Variants in THSD7A observed in about 807,000 individuals in gnomAD.
THSD7A encodes thrombospondin type-1 domain-containing protein 7A.
In THSD7A, 96 loss-of-function variants were observed where a neutral mutation model predicts 231.3. That is an observed-to-expected ratio of 0.41 (90% CI 0.35 to 0.49). The LOEUF is 0.49. THSD7A is among the 20% of genes least tolerant of loss of function. The pLI is 0.05. For synonymous variants in THSD7A, 940 were observed against 743.3 expected, an observed-to-expected ratio of 1.26 and a Z score of -4.30; for missense variants, 2,290 against 2,070.2, an observed-to-expected ratio of 1.11 and a Z score of -2.06.
chr7:11,715,246 T>G lies in THSD7A; in HGVS notation c.191-78285A>C, dbSNP rs1781097914. ...ACACATTATTACATTACAATGAAGTTTCATTTGCGAGGGAATGAAGATTCA... is the reference window on the plus strand; with the variant it reads ...ACACATTATTACATTACAATGAAGTGTCATTTGCGAGGGAATGAAGATTCA... On this transcript the variant is annotated intron_variant, in intron 1 of 27. Transcript: ENST00000423059. 2.0e-5 allele frequency among the ~76,000 whole-genome samples: 3 copies of G among 151,434 alleles called. No individual in the cohort carries two copies. In the South Asian group the frequency reaches 6.2e-4, roughly 31 times the overall value.
rs372791000 is a variant in THSD7A at position 11,474,515 on chromosome 7, C to T, written c.2071G>A (p.Glu691Lys). Reference sequence around the variant, plus strand: ...CAGTGGTACACTGTGCAAGGATGCTCATTACAGCTTCGTACTTCTTGCAAA... The same window carrying T: ...CAGTGGTACACTGTGCAAGGATGCTTATTACAGCTTCGTACTTCTTGCAAA... ...SALQEVRSCN[E>K]HPCTVYHWQT... Residue 691 changes from glutamate (E) to lysine (K), a missense_variant, in exon 8 of 28, where the codon GAG becomes AAG. Coordinates refer to ENST00000423059, the MANE Select transcript of THSD7A (RefSeq NM_015204.3). This position sits in a 1 kb window ranked among gnomAD's most constrained non-coding sequence, Gnocchi z 4.1. 2.7e-5 allele frequency: 43 copies of T among 1,611,980 alleles called. No individual in the cohort carries two copies. Among genetic ancestry groups the T allele is most frequent in the Non-Finnish European group, 3.6e-5 (42 of 1,178,460 alleles).
At chr7:11,766,166 A>G (rs1268581562) in intron 1 of THSD7A, among the ~76,000 whole-genome samples, 1 of 152,190 alleles carries the variant, frequency 6.6e-6, no homozygotes, top group Non-Finnish European at 1.5e-5. Context: ...AACCTTTTCA[A>G]GATGAATGGT....
At chr7:11,577,824 T>C (rs1446971142) in intron 4 of THSD7A, among the ~76,000 whole-genome samples, 1 of 151,840 alleles carries the variant, frequency 6.6e-6, no homozygotes, top group Non-Finnish European at 1.5e-5. Flanking sequence ...AATCCGAGGG[T>C]TACTACAAGC....
intron 13 of THSD7A, among the ~76,000 whole-genome samples, chr7:11,432,606 G>C (rs1216684283): frequency 6.6e-6 from 1 of 152,048 alleles, no homozygotes; most frequent in Admixed American, 6.6e-5. Flanking sequence ...TCTACATTGT[G>C]ATATGCGTTT....
intron 2 of THSD7A, among the ~76,000 whole-genome samples, chr7:11,602,275 T>C (rs922845361): frequency 6.6e-6 from 1 of 152,138 alleles, no homozygotes; most frequent in Non-Finnish European, 1.5e-5. Flanking sequence ...ACATATATAA[T>C]ATACATGTAT....
At chr7:11,452,564 C>G (rs375488811) in intron 11 of THSD7A, among the ~76,000 whole-genome samples, 1 of 152,088 alleles carries the variant, frequency 6.6e-6, no homozygotes, top group East Asian at 1.9e-4. Flanking sequence ...TGAGAACTTA[C>G]TAGGAAATAA....
rs538876204 is a variant in THSD7A, at chr7:11,817,101, T to C, written c.190+14656A>G. ...GCTGGTAGACAACATTTTCATTTCC[T>C]TCAGAAGATTTTGAACCACGTATAT... On this transcript the variant is annotated intron_variant, in intron 1 of 27. Coordinates refer to ENST00000423059, the MANE Select transcript of THSD7A (RefSeq NM_015204.3). Among the ~76,000 whole-genome samples the C allele has an allele frequency of 6.6e-5, 10 of 152,306 alleles. No homozygotes were observed. The East Asian group carries it at 1.9e-3, about 29-fold the overall frequency.
intron 1 of THSD7A, among the ~76,000 whole-genome samples, chr7:11,656,770 A>G (rs1447524630): frequency 6.6e-6 from 1 of 151,846 alleles, no homozygotes; most frequent in African/African-American, 2.4e-5. Context: ...TCATTTACTC[A>G]TTACCTTTCT....
At chr7:11,489,723 G>C (rs1182688322) in intron 6 of THSD7A, among the ~76,000 whole-genome samples, 3 of 151,934 alleles carry the variant, frequency 2.0e-5, no homozygotes, top group Non-Finnish European at 4.4e-5. Flanking sequence ...TTTCCACTAG[G>C]TCACTCCAGT....
chr7:11,705,279 A>G (rs1448860480), intron 1 of THSD7A, among the ~76,000 whole-genome samples: 1 of 151,064 alleles, frequency 6.6e-6, no homozygotes, highest in Non-Finnish European at 1.5e-5. Context: ...AAACAGTTAA[A>G]TAACTTAAAA....
intron 23 of THSD7A, among the ~76,000 whole-genome samples, chr7:11,389,698 T>G (rs943132858): frequency 1.6e-4 from 25 of 152,104 alleles, no homozygotes; most frequent in African/African-American, 5.6e-4. Context: ...TGTTAGTTGA[T>G]GCAGTTTCTT....
chr7:11,717,807 A>G (rs886578505), intron 1 of THSD7A, among the ~76,000 whole-genome samples: 4 of 151,622 alleles, frequency 2.6e-5, no homozygotes, highest in Admixed American at 1.3e-4. Context: ...TCCCTGCTCT[A>G]AACTTCCATG....
At position 11,831,710 on chromosome 7, in the gene THSD7A, TG is replaced by T. The variant is rs1334693926; in HGVS notation, c.190+46del. The stretch of plus-strand genomic sequence containing the variant: ...ACAGAAGCCCACCAGCTCCTTAATG[TG>T]GCCCCAGATGTGAAGATGGGGAAAG... On this transcript the variant is annotated intron_variant, in intron 1 of 27. Coordinates refer to ENST00000423059, the MANE Select transcript of THSD7A (RefSeq NM_015204.3). The surrounding 1 kb of genome is among the most constrained non-coding windows in gnomAD (Gnocchi z 5.0). The T allele has an allele frequency of 6.1e-6, 8 of 1,317,818 alleles. No homozygotes were observed. Among genetic ancestry groups the T allele is most frequent in the Non-Finnish European group, 7.8e-6 (8 of 1,020,360 alleles). 81.6% of individuals were successfully genotyped at this position (1,317,818 alleles called of 1,614,324 possible).
chr7:11,513,164 G>C (rs1787890214), intron 6 of THSD7A, among the ~76,000 whole-genome samples: 1 of 151,314 alleles, frequency 6.6e-6, no homozygotes, highest in Non-Finnish European at 1.5e-5. Flanking sequence ...GGGGGGAAGA[G>C]TGGGAGGGGT....
chr7:11,600,879 G>A (rs953463035), intron 2 of THSD7A, among the ~76,000 whole-genome samples: 1 of 152,206 alleles, frequency 6.6e-6, no homozygotes, highest in African/African-American at 2.4e-5. Flanking sequence ...CAATTTGTCT[G>A]AGTTGAGGGG....
chr7:11,786,319 TG>T lies in THSD7A; in HGVS notation c.190+45437del, dbSNP rs368174306. 1.7e-3 allele frequency among the ~76,000 whole-genome samples: 263 copies of T among 152,220 alleles called. 3 individuals are homozygous for T. The highest frequency in any genetic ancestry group is 5.8e-3 in the African/African-American group (242 of 41,550). ...GTCAGAAATAGCCATCCTACATGGT[TG>T]TGACCACTGTAACATTGCTAGAAAC... On this transcript the variant is annotated intron_variant, in intron 1 of 27. Coordinates refer to ENST00000423059, the MANE Select transcript of THSD7A (RefSeq NM_015204.3).
chr7:11,715,499 T>A (rs566758810), intron 1 of THSD7A, among the ~76,000 whole-genome samples: 1 of 151,646 alleles, frequency 6.6e-6, no homozygotes, highest in South Asian at 2.1e-4. Context: ...AATAGATATA[T>A]ATGAAACATA....
At chr7:11,722,317 T>G (rs1353238201) in intron 1 of THSD7A, among the ~76,000 whole-genome samples, 10 of 151,956 alleles carry the variant, frequency 6.6e-5, no homozygotes, top group Admixed American at 6.6e-4. Flanking sequence ...TGCTAAGATG[T>G]AGGTGCAGTT....
intron 1 of THSD7A, among the ~76,000 whole-genome samples, chr7:11,819,781 A>G (rs983817847): frequency 6.6e-6 from 1 of 152,200 alleles, no homozygotes; most frequent in African/African-American, 2.4e-5. Context: ...AGAATGTGCA[A>G]TCCAAAGAGT....
Sources: allele counts gnomAD v4.1 joint callset (sites outside exome capture counted in the v4.1 genomes callset), GRCh38; gene constraint gnomAD v4.1.1; non-coding constraint Gnocchi (gnomAD v3.1); transcripts MANE v1.5; gene names NCBI Gene and HGNC (gene_info 2026-07-23, HGNC 2026-07-21).